The following DLG2 variants were observed in gnomAD, a reference collection of about 807,000 sequenced individuals.
DLG2 encodes disks large homolog 2.
Under a neutral mutation model 132.5 loss-of-function variants are expected in DLG2, and 45 were observed. The ratio of observed to expected loss-of-function variants is 0.34; its 90% CI spans 0.27 to 0.44. The LOEUF (loss-of-function observed/expected upper bound fraction) is 0.44. DLG2 is among the 20% of genes least tolerant of loss of function. The pLI is 1.00. For synonymous variants in DLG2, 424 were observed against 419.6 expected, an observed-to-expected ratio of 1.01 and a Z score of -0.13; for missense variants, 1,045 against 1,196.9, an observed-to-expected ratio of 0.87 and a Z score of 1.87.
intron 3 of DLG2, among the ~76,000 whole-genome samples, chr11:85,407,732 C>T (rs528470730): frequency 6.6e-6 from 1 of 151,894 alleles, no homozygotes; most frequent in East Asian, 1.9e-4. Flanking sequence ...GAGACTACAA[C>T]ACAGAATTGT....
chr11:84,348,126 A>G (rs963511107), intron 7 of DLG2, among the ~76,000 whole-genome samples: 3 of 152,168 alleles, frequency 2.0e-5, no homozygotes, highest in African/African-American at 7.2e-5. Context: ...CACTCTTATT[A>G]TTACTTATCA....
rs113966329 is a variant in DLG2 at position 85,158,307 on chromosome 11, C to A, written c.187-3656G>T. Among the ~76,000 whole-genome samples, 261 of 151,244 alleles carry A rather than the reference C, an allele frequency of 1.7e-3. 1 individual carries two copies. The highest frequency in any genetic ancestry group is 6.2e-3 in the African/African-American group (256 of 41,190). ...GGACTCTGCATTTAATGTTGCAGCTCGAGTGAAAAAAAAGGTTGTAATAAT... is the reference window on the plus strand; with the variant it reads ...GGACTCTGCATTTAATGTTGCAGCTAGAGTGAAAAAAAAGGTTGTAATAAT... On this transcript the variant is annotated intron_variant, in intron 4 of 27. Coordinates refer to ENST00000376104, the MANE Select transcript of DLG2 (RefSeq NM_001142699.3).
chr11:85,410,716 T>C (rs2089234192), intron 3 of DLG2, among the ~76,000 whole-genome samples: 1 of 151,852 alleles, frequency 6.6e-6, no homozygotes, highest in East Asian at 1.9e-4. Flanking sequence ...GTCTCAGCCC[T>C]CATGAAGCTC....
At chr11:83,484,036 T>G in intron 22 of DLG2, 93 bp downstream of exon 22, 1 of 974,080 alleles carries the variant, frequency 1.0e-6, no homozygotes, top group Non-Finnish European at 1.6e-6. Flanking sequence ...TTTGCCTAGG[T>G]GTGTGGCGTG....
At chr11:85,351,420 T>G (rs900578423) in intron 3 of DLG2, among the ~76,000 whole-genome samples, 2 of 152,218 alleles carry the variant, frequency 1.3e-5, no homozygotes, top group Admixed American at 6.5e-5. Context: ...CTTGCCTGAT[T>G]GCCCTGGCAA....
chr11:84,928,091 A>G (rs1291724684), intron 6 of DLG2, among the ~76,000 whole-genome samples: 1 of 151,974 alleles, frequency 6.6e-6, no homozygotes, highest in Non-Finnish European at 1.5e-5. Context: ...ACTTTATAGA[A>G]GAGGAAAGTA....
At chr11:83,617,334 C>CT (rs1472317944) in intron 19 of DLG2, among the ~76,000 whole-genome samples, 1 of 152,078 alleles carries the variant, frequency 6.6e-6, no homozygotes, top group African/African-American at 2.4e-5. Context: ...ACATTTGTGG[C>CT]TTTTTTGTAT....
intron 11 of DLG2, among the ~76,000 whole-genome samples, chr11:84,021,581 A>G (rs1407861537): frequency 6.6e-6 from 1 of 152,180 alleles, no homozygotes; most frequent in Admixed American, 6.5e-5. Context: ...AGGAAGTATG[A>G]GTCCATGACA....
intron 6 of DLG2, among the ~76,000 whole-genome samples, chr11:84,817,605 G>A (rs919321694): frequency 6.6e-6 from 1 of 151,994 alleles, no homozygotes; most frequent in Non-Finnish European, 1.5e-5. Flanking sequence ...GCCACCTGCA[G>A]CTTATGAGTC....
At chr11:83,698,607 T>C (rs2082316329) in intron 18 of DLG2, among the ~76,000 whole-genome samples, 1 of 152,222 alleles carries the variant, frequency 6.6e-6, no homozygotes, top group South Asian at 2.1e-4. Context: ...ACAAAAACTT[T>C]CTGATCCTCA....
intron 8 of DLG2, among the ~76,000 whole-genome samples, chr11:84,243,760 A>G (rs1310500931): frequency 6.6e-6 from 1 of 152,148 alleles, no homozygotes; most frequent in African/African-American, 2.4e-5. Context: ...CCAACTCCTG[A>G]ACTAGCAGTG....
intron 19 of DLG2, among the ~76,000 whole-genome samples, chr11:83,565,371 G>A (rs1204286602): frequency 6.6e-6 from 1 of 151,776 alleles, no homozygotes; most frequent in Admixed American, 6.6e-5. Flanking sequence ...ACTTTAATTT[G>A]CACCAGAACA....
At chr11:85,250,244 C>T (rs2076332446) in intron 4 of DLG2, among the ~76,000 whole-genome samples, 1 of 152,142 alleles carries the variant, frequency 6.6e-6, no homozygotes. Context: ...TCTACATACC[C>T]AGATAACTAA....
At chr11:84,851,298 C>A (rs939652114) in intron 6 of DLG2, among the ~76,000 whole-genome samples, 1 of 152,052 alleles carries the variant, frequency 6.6e-6, no homozygotes, top group Non-Finnish European at 1.5e-5. Flanking sequence ...GAGTTTCATG[C>A]ATATTGTTGC....
At chr11:83,659,798 T>C (rs1166954664) in intron 18 of DLG2, among the ~76,000 whole-genome samples, 1 of 152,228 alleles carries the variant, frequency 6.6e-6, no homozygotes, top group African/African-American at 2.4e-5. Flanking sequence ...CTAAACTGTA[T>C]TGTATTATAT....
At chr11:84,029,750 G>A (rs945483066) in intron 11 of DLG2, among the ~76,000 whole-genome samples, 1 of 152,078 alleles carries the variant, frequency 6.6e-6, no homozygotes, top group African/African-American at 2.4e-5. Context: ...TTAGGCCTGT[G>A]CTCTGTTCTG....
At chr11:84,023,522 A>G (rs557585504) in intron 11 of DLG2, among the ~76,000 whole-genome samples, 1 of 152,314 alleles carries the variant, frequency 6.6e-6, no homozygotes, top group African/African-American at 2.4e-5. Context: ...CCAAGTAAAT[A>G]GTTTTATTTC....
intron 6 of DLG2, among the ~76,000 whole-genome samples, chr11:84,571,372 C>T (rs2099484262): frequency 6.6e-6 from 1 of 151,426 alleles, no homozygotes; most frequent in South Asian, 2.1e-4. Context: ...CCTCTTCTTC[C>T]TCCTCCTCCT....
chr11:84,046,471 AT>A (rs1272248526), intron 11 of DLG2, among the ~76,000 whole-genome samples: 1 of 151,554 alleles, frequency 6.6e-6, no homozygotes, highest in African/African-American at 2.4e-5. Context: ...CTCAATGACT[AT>A]TTTTAGGTCC....
Sources: gnomAD v4.1 joint callset for allele counts (sites outside exome capture counted in the v4.1 genomes callset) on GRCh38, gnomAD v4.1.1 for gene constraint, MANE v1.5 for transcripts, NCBI Gene and HGNC (gene_info 2026-07-23, HGNC 2026-07-21) for gene names.